PDE10A: variants seen among roughly 807,000 people sequenced by gnomAD.
PDE10A encodes cAMP and cAMP-inhibited cGMP 3',5'-cyclic phosphodiesterase 10A.
Under a neutral mutation model 97.7 loss-of-function variants are expected in PDE10A, and 39 were observed. That is an observed-to-expected ratio of 0.40 (90% CI 0.31 to 0.52). PDE10A has a LOEUF of 0.52. Among genes scored for constraint, PDE10A ranks in the 20% least tolerant of loss-of-function variants. PDE10A has a pLI of 0.56. For synonymous variants in PDE10A, 371 were observed against 376.8 expected, an observed-to-expected ratio of 0.98 and a Z score of 0.18; for missense variants, 731 against 1,047.8, an observed-to-expected ratio of 0.70 and a Z score of 4.17.
chr6:165,495,389 G>A (rs1780477790), intron 2 of PDE10A, among the ~76,000 whole-genome samples: 1 of 151,990 alleles, frequency 6.6e-6, no homozygotes, highest in Non-Finnish European at 1.5e-5. Flanking sequence ...AGAAAAAGAG[G>A]AAGGGAAAGA....
intron 1 of PDE10A, among the ~76,000 whole-genome samples, chr6:165,796,463 T>C (rs1009315764): frequency 6.6e-6 from 1 of 152,186 alleles, no homozygotes; most frequent in African/African-American, 2.4e-5. Flanking sequence ...CTTGATCTTA[T>C]TTTGGTTTCC....
rs115133089 is a variant in PDE10A at position 165,937,290 on chromosome 6, C to T, written c.-615+50239G>A. Among the ~76,000 whole-genome samples the T allele has an allele frequency of 7.0e-3, 1,051 of 151,088 alleles. 15 individuals carry two copies. Among genetic ancestry groups the T allele is most frequent in the African/African-American group, 0.023 (924 of 40,472 alleles). ...TAATAAGACTTTTGTTTACTTTTTT[C>T]CCCCAAAGTACAAGACAAGAAGACA... is the stretch of plus-strand genomic sequence containing the variant. On this transcript the variant is annotated intron_variant, in intron 1 of 19. Transcript: ENST00000366882.
chr6:165,878,016 ACAGAG>A (rs891884858), intron 1 of PDE10A, among the ~76,000 whole-genome samples: 5 of 152,326 alleles, frequency 3.3e-5, no homozygotes, highest in African/African-American at 1.2e-4. Flanking sequence ...CCTCCACTGC[ACAGAG>A]ATAAACAGAT....
chr6:165,706,784 G>A (rs540944471), intron 1 of PDE10A, among the ~76,000 whole-genome samples: 66 of 152,228 alleles, frequency 4.3e-4, no homozygotes, highest in Non-Finnish European at 7.8e-4. Context: ...GGGAGAAAAA[G>A]GCTTATGAAT....
At chr6:165,383,594 C>G (rs928070028) in intron 17 of PDE10A, among the ~76,000 whole-genome samples, 1 of 152,048 alleles carries the variant, frequency 6.6e-6, no homozygotes, top group Non-Finnish European at 1.5e-5. Context: ...TGCATCTTCC[C>G]CTCCCCATGC....
chr6:165,586,465 T>C (rs988095457), intron 1 of PDE10A, among the ~76,000 whole-genome samples: 2 of 152,186 alleles, frequency 1.3e-5, no homozygotes, highest in African/African-American at 4.8e-5. Flanking sequence ...TTTCCCATTT[T>C]GCCATTTTCT....
intron 10 of PDE10A, 84 bp downstream of exon 10, chr6:165,428,574 G>T: frequency 4.6e-6 from 3 of 649,884 alleles, no homozygotes; most frequent in South Asian, 3.9e-5. Flanking sequence ...GCCTGTGGAT[G>T]AATAAGTTTA....
In PDE10A at chr6:165,655,218, T is replaced by C. The variant is rs1469762464; in HGVS notation, c.865+6729A>G. Among the ~76,000 whole-genome samples, 1 of 151,878 alleles carries C rather than the reference T, an allele frequency of 6.6e-6. No individual in the cohort carries two copies. Among genetic ancestry groups the C allele is most frequent in the Admixed American group, 6.6e-5 (1 of 15,254 alleles). ...TATATACTGTCCTTGGGGCATCCAATCCCATGATTTTAGATGCTGTGACTG... is the reference window on the plus strand; with the variant it reads ...TATATACTGTCCTTGGGGCATCCAACCCCATGATTTTAGATGCTGTGACTG... On this transcript the variant is annotated intron_variant, in intron 1 of 21. Transcript: ENST00000539869. This position sits in a 1 kb window ranked among gnomAD's most constrained non-coding sequence, Gnocchi z 4.5.
intron 1 of PDE10A, among the ~76,000 whole-genome samples, chr6:165,807,201 T>C (rs1316438269): frequency 6.7e-6 from 1 of 148,454 alleles, no homozygotes; most frequent in African/African-American, 2.6e-5. Flanking sequence ...AAGAGAAAAA[T>C]ACTCCACAGT....
At chr6:165,456,586 G>C (rs1479179015) in intron 3 of PDE10A, among the ~76,000 whole-genome samples, 1 of 152,210 alleles carries the variant, frequency 6.6e-6, no homozygotes, top group Non-Finnish European at 1.5e-5. Context: ...GACATGCTGG[G>C]ATGTGGACAG....
chr6:165,759,378 C>T (rs185427588), intron 1 of PDE10A, among the ~76,000 whole-genome samples: 1 of 152,294 alleles, frequency 6.6e-6, no homozygotes, highest in East Asian at 1.9e-4. Flanking sequence ...GAGCTCTCAT[C>T]GCTTTGAGGT....
chr6:165,632,156 C>T lies in PDE10A; in HGVS notation c.865+29791G>A, dbSNP rs769843941. Among the ~76,000 whole-genome samples the T allele has an allele frequency of 3.1e-4, 46 of 146,252 alleles. 1 individual carries two copies. Among genetic ancestry groups the T allele is most frequent in the Middle Eastern group, 7.2e-3 (2 of 276 alleles). ...CGGAGGTTGCAGTGAGCCAAGATTGCGCCACTGCACTCCAGCCTGAGTGAT... is the reference window on the plus strand; with the variant it reads ...CGGAGGTTGCAGTGAGCCAAGATTGTGCCACTGCACTCCAGCCTGAGTGAT... On this transcript the variant is annotated intron_variant, in intron 1 of 21. Transcript: ENST00000539869.
chr6:165,578,288 A>G (rs985870798), intron 1 of PDE10A, among the ~76,000 whole-genome samples: 2 of 151,848 alleles, frequency 1.3e-5, no homozygotes, highest in African/African-American at 4.8e-5. Context: ...TGACAAATTA[A>G]GTCAAGATTT....
chr6:165,851,826 C>T (rs1338482545), intron 1 of PDE10A, among the ~76,000 whole-genome samples: 2 of 152,072 alleles, frequency 1.3e-5, no homozygotes, highest in Admixed American at 6.5e-5. Flanking sequence ...CACAGTGGCT[C>T]ATGCCTGTAA....
chr6:165,479,650 T>G (rs1779488953), intron 3 of PDE10A, among the ~76,000 whole-genome samples: 1 of 152,162 alleles, frequency 6.6e-6, no homozygotes, highest in Admixed American at 6.5e-5. Flanking sequence ...TACACATCCA[T>G]AAATTTTCTG....
In PDE10A at chr6:165,829,839, C is replaced by T. The variant is rs1032537001; in HGVS notation, c.-615+157690G>A. 7.9e-5 allele frequency among the ~76,000 whole-genome samples: 12 copies of T among 152,292 alleles called. No individual in the cohort carries two copies. The South Asian group carries it at 2.5e-3, about 32-fold the overall frequency. On this transcript the variant is annotated intron_variant, in intron 1 of 19. Coordinates refer to the PDE10A transcript ENST00000366882. ...TATCAGACACGGCTGGGCTCTCCCC[C>T]ACCTCTCAGCAGCAGCCTTGCGGCC...
intron 1 of PDE10A, among the ~76,000 whole-genome samples, chr6:165,629,556 C>T (rs1344997869): frequency 2.9e-5 from 4 of 135,920 alleles, no homozygotes; most frequent in Non-Finnish European, 6.2e-5. Flanking sequence ...AACAGGGTCT[C>T]ACTTTGTCAC....
chr6:165,435,330 G>A lies in PDE10A; in HGVS notation c.1242C>T (p.Arg414=). Residue 414 remains arginine (R), a synonymous_variant, in exon 6 of 22, where the codon CGC becomes CGT. Coordinates refer to ENST00000539869, the MANE Select transcript of PDE10A (RefSeq NM_001385079.1). ...TPPGIKEGKP[R]LIPAGPITQG... ...GAGTGATGGGCCCAGCAGGGATGAG[G>A]CGGGGTTTTCCTTCCTTTATCCCAG... 2 of 1,614,042 alleles carry A rather than the reference G, an allele frequency of 1.2e-6. No individual in the cohort carries two copies. The highest frequency in any genetic ancestry group is 1.7e-6 in the Non-Finnish European group (2 of 1,179,936).
intron 1 of PDE10A, among the ~76,000 whole-genome samples, chr6:165,973,339 G>A (rs562828749): frequency 6.6e-6 from 1 of 152,106 alleles, no homozygotes; most frequent in South Asian, 2.1e-4. Flanking sequence ...CTTGAACCCG[G>A]GAGGCGGAGG....
Sources: gnomAD v4.1 joint callset for allele counts (sites outside exome capture counted in the v4.1 genomes callset) on GRCh38, gnomAD v4.1.1 for gene constraint, Gnocchi (gnomAD v3.1) non-coding constraint, MANE v1.5 for transcripts, NCBI Gene and HGNC (gene_info 2026-07-23, HGNC 2026-07-21) for gene names.